Variants in ADAMTSL1 observed in about 807,000 individuals in gnomAD.
ADAMTSL1 encodes ADAMTS-like protein 1.
Under a neutral mutation model 201.8 loss-of-function variants are expected in ADAMTSL1, and 126 were observed. The observed-to-expected ratio is 0.62, with a 90% CI of 0.54 to 0.72. The LOEUF is 0.72. Among genes scored for constraint, ADAMTSL1 ranks in the 30% least tolerant of loss-of-function variants. ADAMTSL1 has a pLI of 0.00. For missense variants in ADAMTSL1, 2,679 were observed against 2,277.8 expected, an observed-to-expected ratio of 1.18 and a Z score of -3.59; for synonymous variants, 1,121 against 903.4, an observed-to-expected ratio of 1.24 and a Z score of -4.32.
chr9:18,131,524 A>T (rs1165718446), intron 1 of ADAMTSL1, among the ~76,000 whole-genome samples: 1 of 152,126 alleles, frequency 6.6e-6, no homozygotes, highest in Non-Finnish European at 1.5e-5. Flanking sequence ...GAAATCAAAG[A>T]GGAGTTTCTT....
chr9:18,859,563 A>G (rs1827077785), intron 23 of ADAMTSL1, among the ~76,000 whole-genome samples: 2 of 152,220 alleles, frequency 1.3e-5, no homozygotes, highest in South Asian at 4.1e-4. Flanking sequence ...AGAATTAAAT[A>G]ATATATACTA....
Position 18,723,127 on chromosome 9 carries a change from T to C in ADAMTSL1, c.2006+1462T>C. On this transcript the variant is annotated intron_variant, in intron 15 of 28. Coordinates refer to ENST00000380548, the MANE Select transcript of ADAMTSL1 (RefSeq NM_001040272.6). ...ACTAGCTCTGTGGCCTAGGGCGAGG[T>C]GTCTGCCCTTTATGTTTCCACATCT... The C allele has an allele frequency of 4.0e-6, 3 of 753,296 alleles. 1 individual carries two copies. The South Asian group carries it at 4.3e-5, about 11-fold the overall frequency. 46.7% of individuals were successfully genotyped at this position (753,296 alleles called of 1,614,324 possible).
At chr9:18,195,966 T>A (rs1398499870) in intron 2 of ADAMTSL1, among the ~76,000 whole-genome samples, 1 of 152,156 alleles carries the variant, frequency 6.6e-6, no homozygotes, top group Non-Finnish European at 1.5e-5. Flanking sequence ...AAACTGTATT[T>A]TTGAAACTTA....
At chr9:18,283,152 C>T (rs1030694934) in intron 2 of ADAMTSL1, among the ~76,000 whole-genome samples, 1 of 152,140 alleles carries the variant, frequency 6.6e-6, no homozygotes, top group Non-Finnish European at 1.5e-5. Context: ...TTTATATACT[C>T]TTATAATTGG....
intron 20 of ADAMTSL1, among the ~76,000 whole-genome samples, chr9:18,802,486 ATTTC>A (rs1342366436): frequency 6.6e-6 from 1 of 152,066 alleles, no homozygotes; most frequent in East Asian, 1.9e-4. Context: ...ATGGTTCTTT[ATTTC>A]TTCTTTCACT....
At chr9:18,145,515 G>A (rs1826601962) in intron 1 of ADAMTSL1, among the ~76,000 whole-genome samples, 1 of 152,114 alleles carries the variant, frequency 6.6e-6, no homozygotes, top group African/African-American at 2.4e-5. Flanking sequence ...TTTTAAAATT[G>A]CATGATTATG....
At chr9:18,592,535 T>C (rs1306162595) in intron 4 of ADAMTSL1, among the ~76,000 whole-genome samples, 2 of 152,134 alleles carry the variant, frequency 1.3e-5, no homozygotes, top group Non-Finnish European at 2.9e-5. Flanking sequence ...GTTGTCAACT[T>C]TCGATGGCCG....
chr9:18,455,925 C>G (rs570459795), intron 2 of ADAMTSL1, among the ~76,000 whole-genome samples: 1 of 152,132 alleles, frequency 6.6e-6, no homozygotes, highest in Non-Finnish European at 1.5e-5. Context: ...AGGTAACTCA[C>G]TGTGTTTTGG....
intron 14 of ADAMTSL1, among the ~76,000 whole-genome samples, chr9:18,710,671 G>GTTT (rs1218055587): frequency 1.0e-5 from 1 of 97,182 alleles, no homozygotes; most frequent in Admixed American, 1.2e-4. Flanking sequence ...GTTTTGTTTT[G>GTTT]TTTTTTTTTT....
At chr9:18,221,179 C>G (rs1433128659) in intron 2 of ADAMTSL1, among the ~76,000 whole-genome samples, 1 of 152,140 alleles carries the variant, frequency 6.6e-6, no homozygotes, top group Non-Finnish European at 1.5e-5. Flanking sequence ...ATTTCAATCA[C>G]CTCACTGTTT....
intron 23 of ADAMTSL1, among the ~76,000 whole-genome samples, chr9:18,867,961 A>G (rs1402796119): frequency 6.6e-6 from 1 of 152,138 alleles, no homozygotes; most frequent in Non-Finnish European, 1.5e-5. Context: ...ATTTTAACAG[A>G]CACACACCCA....
intron 4 of ADAMTSL1, among the ~76,000 whole-genome samples, chr9:18,575,777 G>T (rs1446633608): frequency 6.6e-6 from 1 of 152,130 alleles, no homozygotes; most frequent in Non-Finnish European, 1.5e-5. Flanking sequence ...TGTATGTTTG[G>T]TCATGCCAGA....
intron 3 of ADAMTSL1, among the ~76,000 whole-genome samples, chr9:18,539,826 T>G (rs1210250321): frequency 6.6e-6 from 1 of 152,208 alleles, no homozygotes; most frequent in Non-Finnish European, 1.5e-5. Flanking sequence ...AAATGGCTAT[T>G]AAATCATCAG....
chr9:18,356,166 G>T (rs1292718782), intron 2 of ADAMTSL1, among the ~76,000 whole-genome samples: 2 of 152,194 alleles, frequency 1.3e-5, no homozygotes. Context: ...CTACCCAAAG[G>T]CAGGAACATC....
chr9:18,360,062 T>G (rs906589034), intron 2 of ADAMTSL1, among the ~76,000 whole-genome samples: 2 of 151,988 alleles, frequency 1.3e-5, no homozygotes, highest in African/African-American at 2.4e-5. Context: ...TATATAGTAA[T>G]TGTATTATTG....
At chr9:18,645,117 T>C (rs950326274) in intron 7 of ADAMTSL1, among the ~76,000 whole-genome samples, 7 of 152,304 alleles carry the variant, frequency 4.6e-5, no homozygotes, top group African/African-American at 1.7e-4. Context: ...GTGGTTTTGA[T>C]TTGCATTTCT....
intron 9 of ADAMTSL1, among the ~76,000 whole-genome samples, chr9:18,665,990 A>G (rs771352324): frequency 6.6e-5 from 10 of 152,270 alleles, no homozygotes; most frequent in Middle Eastern, 3.4e-3. Context: ...AGCTCATAAC[A>G]TAATTGAGAT....
At chr9:18,055,508 T>G (rs186782453) in intron 1 of ADAMTSL1, among the ~76,000 whole-genome samples, 1 of 152,320 alleles carries the variant, frequency 6.6e-6, no homozygotes, top group East Asian at 1.9e-4. Flanking sequence ...GCCCCTAAGA[T>G]CTACTTGAAT....
At chr9:18,809,823 AGTTTT>A (rs1468834776) in intron 20 of ADAMTSL1, among the ~76,000 whole-genome samples, 1 of 152,170 alleles carries the variant, frequency 6.6e-6, no homozygotes, top group Non-Finnish European at 1.5e-5. Flanking sequence ...AAGAGCTTGA[AGTTTT>A]GTTTTAATTG....
Sources: allele counts gnomAD v4.1 joint callset (sites outside exome capture counted in the v4.1 genomes callset), GRCh38; gene constraint gnomAD v4.1.1; transcripts MANE v1.5; gene names NCBI Gene and HGNC (gene_info 2026-07-23, HGNC 2026-07-21).